Variants in MEGF11 observed in about 807,000 individuals in gnomAD.
The protein encoded by MEGF11 is multiple epidermal growth factor-like domains protein 11.
In MEGF11, 126 loss-of-function variants were observed where a neutral mutation model predicts 146.6. The ratio of observed to expected loss-of-function variants is 0.86; its 90% confidence interval spans 0.74 to 1.00. The LOEUF is 1.00. MEGF11 is among the 50% of genes least tolerant of loss of function. MEGF11 has a pLI of 0.00. For synonymous variants in MEGF11, 532 were observed against 583.4 expected (o/e 0.91, Z 1.27); for missense variants, 1,509 against 1,521.2 (o/e 0.99, Z 0.13).
At chr15:66,216,935 C>T (rs2091600735) in intron 1 of MEGF11, among the ~76,000 whole-genome samples, 2 of 152,256 alleles carry the variant, frequency 1.3e-5, no homozygotes, top group Non-Finnish European at 1.5e-5. Flanking sequence ...CTTTCAAAGG[C>T]TTGGCCCTCT....
chr15:66,203,205 G>T (rs1028348417), intron 1 of MEGF11, among the ~76,000 whole-genome samples: 1 of 152,108 alleles, frequency 6.6e-6, no homozygotes, highest in Admixed American at 6.6e-5. Context: ...ACCCCCAAGT[G>T]GGGTAGGAGC....
intron 5 of MEGF11, among the ~76,000 whole-genome samples, chr15:66,057,642 AT>A (rs1437484706): frequency 1.3e-5 from 2 of 151,968 alleles, no homozygotes; most frequent in Non-Finnish European, 2.9e-5. Context: ...TAGGCACCTA[AT>A]TAGGGTCATC....
At chr15:66,080,836 C>T (rs1051975532) in intron 5 of MEGF11, among the ~76,000 whole-genome samples, 3 of 152,248 alleles carry the variant, frequency 2.0e-5, no homozygotes, top group Admixed American at 1.3e-4. Flanking sequence ...CCCACCGTCC[C>T]GGGGAGGCCC....
intron 24 of MEGF11, chr15:65,902,216 C>T (rs959119380): frequency 6.6e-6 from 1 of 152,260 alleles, no homozygotes; most frequent in African/African-American, 2.4e-5. Flanking sequence ...TGCCTCTTCT[C>T]ATTTTCACCA....
intron 1 of MEGF11, among the ~76,000 whole-genome samples, chr15:66,132,447 G>A (rs2088685775): frequency 6.6e-6 from 1 of 151,680 alleles, no homozygotes; most frequent in South Asian, 2.1e-4. Flanking sequence ...GGAGCCTGGA[G>A]CCTGGCCAAC....
At chr15:66,073,184 C>T (rs1184416001) in intron 5 of MEGF11, among the ~76,000 whole-genome samples, 1 of 152,066 alleles carries the variant, frequency 6.6e-6, no homozygotes, top group African/African-American at 2.4e-5. Context: ...ATGGCGAGGC[C>T]TCTGGTGTGA....
intron 5 of MEGF11, among the ~76,000 whole-genome samples, chr15:66,063,686 CTTGA>C (rs2085001375): frequency 6.6e-6 from 1 of 152,170 alleles, no homozygotes; most frequent in South Asian, 2.1e-4. Flanking sequence ...GGGAGCCTTT[CTTGA>C]TTAACCCCCG....
chr15:66,137,402 G>A (rs1157353887), intron 1 of MEGF11, among the ~76,000 whole-genome samples: 1 of 152,202 alleles, frequency 6.6e-6, no homozygotes, highest in East Asian at 1.9e-4. Context: ...TTACAAAGCA[G>A]CATGAACATT....
At chr15:66,250,449 T>A (rs1260458326) in intron 1 of MEGF11, among the ~76,000 whole-genome samples, 2 of 152,214 alleles carry the variant, frequency 1.3e-5, no homozygotes, top group Admixed American at 1.3e-4. Flanking sequence ...GCCTAGAATG[T>A]CAGCATCACA....
At chr15:65,980,332 G>A (rs966222823) in intron 7 of MEGF11, among the ~76,000 whole-genome samples, 4 of 148,416 alleles carry the variant, frequency 2.7e-5, no homozygotes, top group East Asian at 2.0e-4. Flanking sequence ...CACTGGCAGC[G>A]TTTAGTGATG....
intron 5 of MEGF11, among the ~76,000 whole-genome samples, chr15:66,010,249 G>A (rs1030362669): frequency 6.7e-6 from 1 of 148,256 alleles, no homozygotes; most frequent in Admixed American, 6.8e-5. Flanking sequence ...CTGGAATGCA[G>A]TAGCATGATC....
intron 1 of MEGF11, among the ~76,000 whole-genome samples, chr15:66,192,446 GGTGACAGAGCAA>G (rs2090906951): frequency 6.8e-6 from 1 of 147,328 alleles, no homozygotes. Flanking sequence ...CTCCAGCCTG[GGTGACAGAGCAA>G]GACTCCATCT....
chr15:66,084,750 T>C (rs1226028614), intron 5 of MEGF11, among the ~76,000 whole-genome samples: 1 of 151,820 alleles, frequency 6.6e-6, no homozygotes, highest in Middle Eastern at 3.2e-3. Context: ...GAGAAGGAAT[T>C]CTCTAGCAGA....
intron 4 of MEGF11, among the ~76,000 whole-genome samples, chr15:66,104,773 C>G (rs1417972283): frequency 6.6e-6 from 1 of 152,182 alleles, no homozygotes; most frequent in Non-Finnish European, 1.5e-5. Context: ...AATTCCATCT[C>G]TGAAAGCCAG....
At chr15:65,974,722 A>C (rs2081396571) in intron 7 of MEGF11, among the ~76,000 whole-genome samples, 1 of 152,146 alleles carries the variant, frequency 6.6e-6, no homozygotes, top group Non-Finnish European at 1.5e-5. Context: ...TACTCCAGGC[A>C]TGGCGGGGGC....
chr15:65,968,111 A>G (rs1393008065), intron 8 of MEGF11, among the ~76,000 whole-genome samples: 2 of 152,024 alleles, frequency 1.3e-5, no homozygotes, highest in Non-Finnish European at 2.9e-5. Flanking sequence ...AGCAGAAAAG[A>G]GAGGGAAGAG....
intron 1 of MEGF11, among the ~76,000 whole-genome samples, chr15:66,190,088 G>T (rs1281123564): frequency 2.6e-5 from 4 of 152,130 alleles, no homozygotes; most frequent in Non-Finnish European, 5.9e-5. Context: ...AGCTCATATG[G>T]GCCCCCAGAG....
intron 5 of MEGF11, among the ~76,000 whole-genome samples, chr15:66,063,196 T>C (rs557062093): frequency 2.0e-5 from 3 of 152,352 alleles, no homozygotes; most frequent in East Asian, 3.9e-4. Context: ...ATACTTTTAT[T>C]TGAAAACACT....
chr15:65,984,803 C>G (rs546604926), intron 5 of MEGF11, among the ~76,000 whole-genome samples: 2 of 152,260 alleles, frequency 1.3e-5, no homozygotes, highest in South Asian at 2.1e-4. Context: ...GAGTCTCGCT[C>G]TATTAGGCAG....
Sources: gnomAD v4.1 joint callset for allele counts (sites outside exome capture counted in the v4.1 genomes callset) on GRCh38, gnomAD v4.1.1 for gene constraint, MANE v1.5 for transcripts, NCBI Gene and HGNC (gene_info 2026-07-23, HGNC 2026-07-21) for gene names.